PDILT: variants seen among roughly 807,000 people sequenced by gnomAD.
PDILT encodes the protein protein disulfide-isomerase-like protein of the testis.
Under a neutral mutation model 53.7 loss-of-function variants are expected in PDILT, and 43 were observed. The observed-to-expected ratio is 0.80, with a 90% CI of 0.63 to 1.03. The LOEUF (loss-of-function observed/expected upper bound fraction) is 1.03. Ranked by LOEUF, PDILT falls within the 50% of genes least tolerant of loss-of-function variation. The pLI, the probability that PDILT is intolerant of heterozygous loss-of-function variation, is 0.00. For synonymous variants in PDILT, 282 were observed against 274.2 expected (o/e 1.03, Z -0.28); for missense variants, 727 against 712.3 (o/e 1.02, Z -0.24).
intron 2 of PDILT, among the ~76,000 whole-genome samples, chr16:20,398,162 T>C (rs1966685605): frequency 6.6e-6 from 1 of 152,176 alleles, no homozygotes; most frequent in African/African-American, 2.4e-5. Context: ...AGGCACACCA[T>C]GAATGCTCAC....
At position 20,399,174 on chromosome 16, in the gene PDILT, G is replaced by A. The variant is rs776715354; in HGVS notation, c.127C>T (p.Arg43Cys). 1.9e-5 allele frequency: 30 copies of A among 1,614,050 alleles called. No homozygotes were observed. The highest frequency in any genetic ancestry group is 1.8e-4 in the East Asian group (8 of 44,884). The change falls in exon 2 of 12, where the codon CGC becomes TGC. Residue 43 changes from arginine to cysteine, a missense_variant. Arg to Cys is a radical substitution (Grantham distance 180, BLOSUM62 -3). Coordinates refer to ENST00000302451, the MANE Select transcript of PDILT (RefSeq NM_174924.2). Reference protein sequence around the residue: ...ITKPVHILEERSLLVLTPAGL... With the variant: ...ITKPVHILEECSLLVLTPAGL... ...GCGGGCGTTAGCACTAGGAGACTGC[G>A]TTCCTCCAGGATGTGCACAGGCTTG...
chr16:20,402,668 G>A lies in PDILT; in HGVS notation c.-8+1828C>T, dbSNP rs182365102. 3.6e-3 allele frequency among the ~76,000 whole-genome samples: 547 copies of A among 152,344 alleles called. 5 individuals are homozygous for A. The highest frequency in any genetic ancestry group is 0.012 in the African/African-American group (485 of 41,572). ...TTGACATTTGACTAAGGGAAGCAAA[G>A]AAGTGAACTACTGTATTTGCATTTC... On this transcript the variant is annotated intron_variant, in intron 1 of 11. Coordinates refer to ENST00000302451, the MANE Select transcript of PDILT (RefSeq NM_174924.2).
rs570658639 is a variant in PDILT, at chr16:20,396,822, G to A, written c.202+2277C>T. ...GAGAGCAGAAACCAAGACACTCATA[G>A]AGCCCACCCATTGCCTGGCATTGAG... On this transcript the variant is annotated intron_variant, in intron 2 of 11. Transcript: ENST00000302451. Among the ~76,000 whole-genome samples, 45 of 152,284 alleles carry A rather than the reference G, an allele frequency of 3.0e-4. 1 individual carries two copies. The Middle Eastern group carries it at 0.017, about 58-fold the overall frequency.
At chr16:20,379,177 C>G (rs989924831) in intron 3 of PDILT, among the ~76,000 whole-genome samples, 1 of 152,046 alleles carries the variant, frequency 6.6e-6, no homozygotes, top group Non-Finnish European at 1.5e-5. Context: ...CCACACCTGG[C>G]TAATTTTTAT....
intron 3 of PDILT, 107 bp from the exon 4 acceptor site, chr16:20,376,308 T>A: frequency 2.2e-6 from 3 of 1,386,952 alleles, no homozygotes; most frequent in Non-Finnish European, 2.9e-6. Context: ...TGTCTCAGGC[T>A]CCCACCCCTT....
At chr16:20,394,330 C>T (rs1353935416) in intron 2 of PDILT, among the ~76,000 whole-genome samples, 1 of 152,172 alleles carries the variant, frequency 6.6e-6, no homozygotes. Context: ...CTCAGCCTGC[C>T]CAGCTTTGAG....
intron 2 of PDILT, chr16:20,388,655 G>A (rs899321594): frequency 6.6e-6 from 1 of 152,220 alleles, no homozygotes; most frequent in Non-Finnish European, 1.5e-5. Flanking sequence ...CTCCACGCCT[G>A]TAATCCCAGC....
chr16:20,378,757 T>A (rs1235009967), intron 3 of PDILT, among the ~76,000 whole-genome samples: 2 of 152,224 alleles, frequency 1.3e-5, no homozygotes, highest in African/African-American at 4.8e-5. Context: ...TCCAGCTTCA[T>A]CCATGTCCCC....
At chr16:20,389,710 G>A (rs931646318) in intron 2 of PDILT, among the ~76,000 whole-genome samples, 5 of 152,106 alleles carry the variant, frequency 3.3e-5, no homozygotes, top group Admixed American at 2.0e-4. Flanking sequence ...TAGAATTAAC[G>A]TTTGCCTGGT....
intron 8 of PDILT, 86 bp downstream of exon 8, chr16:20,369,406 G>A (rs938937774): frequency 7.1e-6 from 10 of 1,404,742 alleles, no homozygotes; most frequent in Non-Finnish European, 1.0e-5. Context: ...CCACATACAG[G>A]TGAGGAGAAT....
At chr16:20,362,307 G>A (rs1421085794) in intron 10 of PDILT, 97 bp downstream of exon 10, 1 of 1,294,840 alleles carries the variant, frequency 7.7e-7, no homozygotes, top group Non-Finnish European at 1.1e-6. Context: ...GAATAAAACT[G>A]GTTTGGTAGA....
intron 2 of PDILT, among the ~76,000 whole-genome samples, chr16:20,392,428 G>A (rs550046992): frequency 6.6e-6 from 1 of 152,278 alleles, no homozygotes; most frequent in Admixed American, 6.5e-5. Flanking sequence ...TCAGAGAGAA[G>A]AGAAAGCTGG....
At chr16:20,368,623 G>T (rs967998994) in intron 8 of PDILT, among the ~76,000 whole-genome samples, 1 of 151,870 alleles carries the variant, frequency 6.6e-6, no homozygotes, top group Non-Finnish European at 1.5e-5. Flanking sequence ...GCTGGACAGG[G>T]TCTTCCTCTG....
chr16:20,360,416 C>A (rs1966081834), intron 11 of PDILT, 152 bp downstream of exon 11: 1 of 734,864 alleles, frequency 1.4e-6, no homozygotes, highest in Non-Finnish European at 2.4e-6. Flanking sequence ...ATAAAGGTGA[C>A]TAGTAGAGTC....
chr16:20,391,928 G>A (rs2099565926), intron 2 of PDILT, among the ~76,000 whole-genome samples: 1 of 151,622 alleles, frequency 6.6e-6, no homozygotes, highest in African/African-American at 2.4e-5. Flanking sequence ...AAGGCCCAGA[G>A]GCTGTAGCTG....
intron 3 of PDILT, among the ~76,000 whole-genome samples, chr16:20,380,442 AT>A (rs1040952253): frequency 2.9e-4 from 44 of 151,868 alleles, no homozygotes; most frequent in African/African-American, 9.9e-4. Flanking sequence ...GGTTCAAGCA[AT>A]TCTCTGTCTC....
chr16:20,399,222 C>T lies in PDILT; in HGVS notation c.79G>A (p.Gly27Ser), dbSNP rs532356522. 21 of 1,614,140 alleles carry T rather than the reference C, an allele frequency of 1.3e-5. No homozygotes were observed. The highest frequency in any genetic ancestry group is 1.6e-4 in the Middle Eastern group (1 of 6,062). ...TTGGTTATGTGGATGCTGGAAACAC[C>T]GGCGTTAACCTCTGGTGAGCTGTGG... The part of the protein sequence containing the change: ...AVHSSPEVNA[G>S]VSSIHITKPV... The change falls in exon 2 of 12, where the codon GGT becomes AGT. Residue 27 changes from glycine to serine, a missense_variant. Gly to Ser is a moderately conservative substitution (Grantham distance 56). Transcript: ENST00000302451.
At chr16:20,361,190 CTTTTT>C (rs772970812) in intron 10 of PDILT, among the ~76,000 whole-genome samples, 1 of 76,780 alleles carries the variant, frequency 1.3e-5, no homozygotes, top group South Asian at 4.0e-4. Context: ...TCCCTTTCCT[CTTTTT>C]TTTTTTTTTT....
chr16:20,371,613 C>T (rs1421274793), intron 7 of PDILT, among the ~76,000 whole-genome samples: 3 of 152,090 alleles, frequency 2.0e-5, no homozygotes, highest in Non-Finnish European at 4.4e-5. Flanking sequence ...AAATGGATCA[C>T]AGTCTATAAA....
Sources: allele counts gnomAD v4.1 joint callset (sites outside exome capture counted in the v4.1 genomes callset), GRCh38; gene constraint gnomAD v4.1.1; transcripts MANE v1.5; gene names NCBI Gene and HGNC (gene_info 2026-07-23, HGNC 2026-07-21).